The following PTPRS variants were observed in gnomAD, a reference collection of about 807,000 sequenced individuals.
PTPRS encodes protein tyrosine phosphatase receptor type S.
In PTPRS, 63 loss-of-function variants were observed where a neutral mutation model predicts 215.3. The observed-to-expected ratio is 0.29, with a 90% CI of 0.24 to 0.36. The LOEUF (loss-of-function observed/expected upper bound fraction) is 0.36, where lower values mean the gene tolerates loss of function less well. Among genes scored for constraint, PTPRS ranks in the 10% least tolerant of loss-of-function variants. The pLI, the probability that PTPRS is intolerant of heterozygous loss-of-function variation, is 1.00. For synonymous variants in PTPRS, 1,404 were observed against 1,191.4 expected, an observed-to-expected ratio of 1.18 and a Z score of -3.68; for missense variants, 2,258 against 2,825.8, an observed-to-expected ratio of 0.80 and a Z score of 4.56.
chr19:5,222,245 G>A, intron 18 of PTPRS, 25 bp from the exon 19 acceptor site: 1 of 1,593,620 alleles, frequency 6.3e-7, no homozygotes, highest in Non-Finnish European at 8.6e-7. Context: ...GCCGAGCAGG[G>A]AGAGAGCAGA....
intron 2 of PTPRS, among the ~76,000 whole-genome samples, chr19:5,282,011 C>T (rs2047892771): frequency 6.6e-6 from 1 of 152,138 alleles, no homozygotes; most frequent in African/African-American, 2.4e-5. Flanking sequence ...TCAGGAGTCC[C>T]TTATGCCCCC....
chr19:5,264,985 T>A lies in PTPRS; in HGVS notation c.568+23A>T, dbSNP rs756912403. On this transcript the variant is annotated intron_variant, in intron 5 of 37. Transcript: ENST00000262963. ...CCTGCTGCCCTCCAAGGCTCCCACG[T>A]CCTGTCAGCCACCCTCACTCACCTG... The A allele has an allele frequency of 5.0e-6, 8 of 1,612,680 alleles. No homozygotes were observed. In the South Asian group the frequency reaches 8.8e-5, roughly 18 times the overall value.
At chr19:5,304,232 G>A (rs1296361169) in intron 1 of PTPRS, among the ~76,000 whole-genome samples, 3 of 152,138 alleles carry the variant, frequency 2.0e-5, no homozygotes, top group Non-Finnish European at 2.9e-5. Context: ...TTGGGAGGCC[G>A]AGGCAGGCAG....
chr19:5,211,143 A>G (rs555211412), intron 33 of PTPRS, among the ~76,000 whole-genome samples: 2 of 152,268 alleles, frequency 1.3e-5, no homozygotes. Flanking sequence ...GCCTTTGCAC[A>G]TGTGGCACCC....
chr19:5,281,220 G>A (rs1568557870), intron 2 of PTPRS, among the ~76,000 whole-genome samples: 1 of 152,024 alleles, frequency 6.6e-6, no homozygotes, highest in Non-Finnish European at 1.5e-5. Flanking sequence ...CAGCACTTTG[G>A]GAGGCCAAAG....
rs115118569 is a variant in PTPRS, at chr19:5,208,308, G to A, written c.5571C>T (p.Ile1857=). The A allele has an allele frequency of 1.7e-3, 2,675 of 1,613,982 alleles. 67 individuals are homozygous for A. The South Asian group carries it at 0.024, about 15-fold the overall frequency. ...QGVPKSGEGF[I]DFIGQVHKTK... ...TCTTATGCACTTGGCCAATGAAGTC[G>A]ATGAAGCCCTCCCCCGACTTTGGCA... The change falls in exon 36 of 38, where the codon ATC becomes ATT. Residue 1857 remains isoleucine (I), a synonymous_variant. Transcript: ENST00000262963.
At chr19:5,260,625 G>A (rs1365036678) in intron 7 of PTPRS, among the ~76,000 whole-genome samples, 180 bp downstream of exon 7, 1 of 152,170 alleles carries the variant, frequency 6.6e-6, no homozygotes, top group Admixed American at 6.5e-5. Context: ...GCCACATTCA[G>A]CCCCCTGGCC....
In PTPRS at chr19:5,252,573, T is replaced by TC. The variant is rs1387801428; in HGVS notation, c.718+3534dup. 6.6e-4 allele frequency among the ~76,000 whole-genome samples: 24 copies of TC among 36,630 alleles called. No individual in the cohort carries two copies. The South Asian group carries it at 0.02, about 30-fold the overall frequency. 24.0% of individuals were successfully genotyped at this position (36,630 alleles called of 152,430 possible). ...GCCTGGGCAACACAGTGAGATTCTGTCAAAAAAAAAAAAAAAAAAAAAAAG... is the reference window on the plus strand; with the variant it reads ...GCCTGGGCAACACAGTGAGATTCTGTCCAAAAAAAAAAAAAAAAAAAAAAAG... On this transcript the variant is annotated intron_variant, in intron 9 of 37. Transcript: ENST00000262963.
intron 1 of PTPRS, among the ~76,000 whole-genome samples, chr19:5,291,133 C>T (rs1381379466): frequency 1.3e-5 from 2 of 152,008 alleles, no homozygotes; most frequent in Admixed American, 6.5e-5. Context: ...ATTGGGACGA[C>T]GTGAAGGCTC....
rs1164303227 is a variant in PTPRS, at chr19:5,338,517, G to C, written c.-95+2147C>G. 6.6e-6 allele frequency among the ~76,000 whole-genome samples: 1 copy of C among 152,222 alleles called. No individual in the cohort carries two copies. The highest frequency in any genetic ancestry group is 2.4e-5 in the African/African-American group (1 of 41,464). Reference sequence around the variant, plus strand: ...AAGGCTTTGTGGAGGGCAGCGGGGGGGTAGGGGAGGGATGCCCAGGTGGGG... The same window carrying C: ...AAGGCTTTGTGGAGGGCAGCGGGGGCGTAGGGGAGGGATGCCCAGGTGGGG... On this transcript the variant is annotated intron_variant, in intron 1 of 37. Coordinates refer to ENST00000262963, the MANE Select transcript of PTPRS (RefSeq NM_002850.4). The surrounding 1 kb of genome is among the most constrained non-coding windows in gnomAD (Gnocchi z 4.2).
intron 1 of PTPRS, among the ~76,000 whole-genome samples, chr19:5,309,277 G>T (rs1172627865): frequency 6.6e-6 from 1 of 152,154 alleles, no homozygotes; most frequent in East Asian, 1.9e-4. Context: ...TCAGCCCCCT[G>T]GTCTGCAAAT....
chr19:5,221,228 T>G lies in PTPRS; in HGVS notation c.3227A>C (p.Asp1076Ala). ...CTTCTTGGTGGTACGGCCATCCACA[T>G]CCAGTGTGAGCCCATTGTACTGGAT... is the stretch of plus-strand genomic sequence containing the variant. Reference protein sequence around the residue: ...YKIQYNGLTLDVDGRTTKKLI... With the variant: ...YKIQYNGLTLAVDGRTTKKLI... Residue 1076 changes from aspartate (D) to alanine (A), a missense_variant, in exon 20 of 38, where the codon GAT becomes GCT. Coordinates refer to ENST00000262963, the MANE Select transcript of PTPRS (RefSeq NM_002850.4). The G allele has an allele frequency of 1.2e-6, 2 of 1,613,478 alleles. No homozygotes were observed. The highest frequency in any genetic ancestry group is 1.7e-6 in the Non-Finnish European group (2 of 1,179,764).
Position 5,280,489 on chromosome 19 carries a change from C to T in PTPRS, c.91+5561G>A, listed in dbSNP as rs553298801. Among the ~76,000 whole-genome samples the T allele has an allele frequency of 2.0e-5, 3 of 152,170 alleles. No homozygotes were observed. The East Asian group carries it at 5.8e-4, about 29-fold the overall frequency. On this transcript the variant is annotated intron_variant, in intron 2 of 37. Coordinates refer to ENST00000262963, the MANE Select transcript of PTPRS (RefSeq NM_002850.4). Reference sequence around the variant, plus strand: ...ATCCCAGCACTTTGGGAGGCTGAGGCGGATGGATTACCTGAGGTCAGGAGT... The same window carrying T: ...ATCCCAGCACTTTGGGAGGCTGAGGTGGATGGATTACCTGAGGTCAGGAGT...
At position 5,223,165 on chromosome 19, in the gene PTPRS, G is replaced by A. The variant is rs372181642; in HGVS notation, c.2627C>T (p.Thr876Met). 58 of 1,567,782 alleles carry A rather than the reference G, an allele frequency of 3.7e-5. No homozygotes were observed. The highest frequency in any genetic ancestry group is 2.3e-4 in the African/African-American group (17 of 72,990). ...YRLQFGREDS[T>M]PLATLEFPPS... ...CGGGAACTCCAGGGTGGCCAGGGGC[G>A]TCGAGTCCTCACGGCCAAACTGCAG... Residue 876 changes from threonine to methionine, a missense_variant, in exon 18 of 38, where the codon ACG (threonine) becomes ATG (methionine). By Grantham distance (81) the Thr-to-Met change is moderately conservative. Coordinates refer to ENST00000262963, the MANE Select transcript of PTPRS (RefSeq NM_002850.4).
intron 7 of PTPRS, 90 bp from the exon 8 acceptor site, chr19:5,258,217 G>A: frequency 9.0e-7 from 1 of 1,105,684 alleles, no homozygotes; most frequent in Non-Finnish European, 1.4e-6. Flanking sequence ...TCTCTGGCCT[G>A]TCTCCTGTGC....
chr19:5,227,743 A>T (rs1002506987), intron 16 of PTPRS, among the ~76,000 whole-genome samples: 3 of 152,026 alleles, frequency 2.0e-5, no homozygotes, highest in Admixed American at 1.3e-4. Flanking sequence ...CATCCCTCTC[A>T]CTGAGTATGA....
At chr19:5,263,306 C>T (rs915013613) in intron 5 of PTPRS, among the ~76,000 whole-genome samples, 1 of 152,076 alleles carries the variant, frequency 6.6e-6, no homozygotes, top group African/African-American at 2.4e-5. Flanking sequence ...GATTTGTCCC[C>T]CCAGTGTGAG....
rs1012375107 is a variant in PTPRS, at chr19:5,206,553, T to C, written c.*221A>G. 2 of 325,748 alleles carry C rather than the reference T, an allele frequency of 6.1e-6. No individual in the cohort carries two copies. Among genetic ancestry groups the C allele is most frequent in the African/African-American group, 4.5e-5 (2 of 44,548 alleles). The allele number at this position is 325,748 out of a possible 1,614,324, so 20.2% of individuals were successfully genotyped here. On this transcript the variant is annotated 3_prime_UTR_variant, in exon 38 of 38. Coordinates refer to ENST00000262963, the MANE Select transcript of PTPRS (RefSeq NM_002850.4). Reference sequence around the variant, plus strand: ...GGAAGGAAAGGAGGAATGTGCCAAGTATTTGAAGGCGGCGGCCGGTGCCAG... The same window carrying C: ...GGAAGGAAAGGAGGAATGTGCCAAGCATTTGAAGGCGGCGGCCGGTGCCAG...
At chr19:5,271,945 G>C (rs2046946475) in intron 4 of PTPRS, among the ~76,000 whole-genome samples, 1 of 151,262 alleles carries the variant, frequency 6.6e-6, no homozygotes, top group African/African-American at 2.4e-5. Flanking sequence ...GGCTGGTCTT[G>C]AACTCCTTGA....
Sources: gnomAD v4.1 joint callset for allele counts (sites outside exome capture counted in the v4.1 genomes callset) on GRCh38, gnomAD v4.1.1 for gene constraint, Gnocchi (gnomAD v3.1) non-coding constraint, MANE v1.5 for transcripts, NCBI Gene and HGNC (gene_info 2026-07-23, HGNC 2026-07-21) for gene names.